Variants in SLC22A23 observed in about 807,000 individuals in gnomAD.
The protein encoded by SLC22A23 is ion transporter protein.
Under a neutral mutation model 61.0 loss-of-function variants are expected in SLC22A23, and 26 were observed. The ratio of observed to expected loss-of-function variants is 0.43; its 90% CI spans 0.31 to 0.59. The LOEUF (loss-of-function observed/expected upper bound fraction) is 0.59, where lower values mean the gene tolerates loss of function less well. Ranked by LOEUF, SLC22A23 falls within the 20% of genes least tolerant of loss-of-function variation. The probability of loss-of-function intolerance (pLI) is 0.11; values close to 1 mark genes in which losing one functional copy is unlikely to be tolerated. For missense variants in SLC22A23, 796 were observed against 934.7 expected, an observed-to-expected ratio of 0.85 and a Z score of 1.94; for synonymous variants, 430 against 413.9, an observed-to-expected ratio of 1.04 and a Z score of -0.47.
intron 8 of SLC22A23, 61 bp downstream of exon 8, chr6:3,285,017 GA>G: frequency 1.3e-6 from 2 of 1,595,710 alleles, no homozygotes; most frequent in Non-Finnish European, 1.7e-6. Context: ...GAGTCTTCGA[GA>G]AAACACCCAT....
intron 3 of SLC22A23, among the ~76,000 whole-genome samples, chr6:3,368,305 C>T (rs572795826): frequency 3.4e-4 from 52 of 152,308 alleles, no homozygotes; most frequent in African/African-American, 1.1e-3. Context: ...CATGCTCAAC[C>T]CGAGCTGCTC....
chr6:3,401,464 G>A (rs879310116), intron 3 of SLC22A23, among the ~76,000 whole-genome samples: 1 of 152,162 alleles, frequency 6.6e-6, no homozygotes, highest in Non-Finnish European at 1.5e-5. Context: ...CTTGGCATAG[G>A]ACAAGACAGT....
In SLC22A23 at chr6:3,283,994, A is replaced by G. The variant is rs779612453; in HGVS notation, c.1580-19T>C. On this transcript the variant is annotated intron_variant, in intron 8 of 9. Coordinates refer to ENST00000406686, the MANE Select transcript of SLC22A23 (RefSeq NM_015482.2). ...CTCATCCCTGGGGGAAGGTCAGAAG[A>G]AGGTGGTGAGGGAAGAGAGGAAGCC... is the stretch of plus-strand genomic sequence containing the variant. The G allele has an allele frequency of 1.9e-6, 3 of 1,593,294 alleles. No homozygotes were observed. Among genetic ancestry groups the G allele is most frequent in the Non-Finnish European group, 2.6e-6 (3 of 1,165,148 alleles).
rs1285765445 is a variant in SLC22A23 at position 3,323,677 on chromosome 6, C to G, written c.1082+157G>C. ...AGTTTTCCAAGACAGAAAGTTTAAA[C>G]AATAAAATTTTTTAAAAAGAGAGGA... On this transcript the variant is annotated intron_variant, in intron 4 of 9. Transcript: ENST00000406686. 3 of 848,812 alleles carry G rather than the reference C, an allele frequency of 3.5e-6. No homozygotes were observed. In the Admixed American group the frequency reaches 8.9e-5, roughly 25 times the overall value. The allele number at this position is 848,812 out of a possible 1,614,324, so 52.6% of individuals were successfully genotyped here.
At chr6:3,449,022 G>A (rs1772048565) in intron 1 of SLC22A23, among the ~76,000 whole-genome samples, 1 of 152,222 alleles carries the variant, frequency 6.6e-6, no homozygotes, top group African/African-American at 2.4e-5. Flanking sequence ...CTGCTTAACA[G>A]CTGGCTAGCC....
chr6:3,405,985 G>A (rs570908030), intron 3 of SLC22A23, among the ~76,000 whole-genome samples: 1 of 151,740 alleles, frequency 6.6e-6, no homozygotes, highest in African/African-American at 2.4e-5. Flanking sequence ...GTTGAAGGAG[G>A]GTTATTACAA....
rs544246603 is a variant in SLC22A23 at position 3,322,323 on chromosome 6, C to T, written c.1082+1511G>A. Reference sequence around the variant, plus strand: ...TGAACTCCGAAACAGCTAAGCCCAGCGAAGGCTGCCACAAGGGAGGGGGCA... The same window carrying T: ...TGAACTCCGAAACAGCTAAGCCCAGTGAAGGCTGCCACAAGGGAGGGGGCA... On this transcript the variant is annotated intron_variant, in intron 4 of 9. Transcript: ENST00000406686. This position sits in a 1 kb window ranked among gnomAD's most constrained non-coding sequence, Gnocchi z 4.1. Among the ~76,000 whole-genome samples the T allele has an allele frequency of 1.3e-5, 2 of 152,288 alleles. No homozygotes were observed. The highest frequency in any genetic ancestry group is 1.9e-4 in the East Asian group (1 of 5,186).
intron 6 of SLC22A23, 26 bp from the exon 7 acceptor site, chr6:3,287,117 G>A (rs1244259757): frequency 9.3e-6 from 15 of 1,606,176 alleles, no homozygotes; most frequent in Non-Finnish European, 1.2e-5. Flanking sequence ...GAGCGGCAGT[G>A]GGTGGGCTGC....
At chr6:3,336,227 G>A (rs1036089939) in intron 3 of SLC22A23, among the ~76,000 whole-genome samples, 2 of 152,196 alleles carry the variant, frequency 1.3e-5, no homozygotes, top group Non-Finnish European at 2.9e-5. Context: ...GGGAGGCTGC[G>A]AGTCAGAATG....
At chr6:3,319,379 C>T (rs572308695) in intron 4 of SLC22A23, among the ~76,000 whole-genome samples, 11 of 152,324 alleles carry the variant, frequency 7.2e-5, no homozygotes, top group Admixed American at 1.3e-4. Flanking sequence ...AACATTTAGG[C>T]CTCAGCACAA....
chr6:3,303,100 A>T (rs760969166), intron 4 of SLC22A23: 16 of 152,212 alleles, frequency 1.1e-4, no homozygotes, highest in South Asian at 2.1e-4. Flanking sequence ...AACATATATT[A>T]AAAAAAGCTC....
At chr6:3,277,307 C>T (rs987023461) in intron 9 of SLC22A23, among the ~76,000 whole-genome samples, 8 of 152,062 alleles carry the variant, frequency 5.3e-5, no homozygotes, top group Admixed American at 1.3e-4. Flanking sequence ...GCCTTCCTCT[C>T]GGTGAGGCAC....
chr6:3,363,349 C>G (rs1345470661), intron 3 of SLC22A23, among the ~76,000 whole-genome samples: 1 of 152,218 alleles, frequency 6.6e-6, no homozygotes, highest in African/African-American at 2.4e-5. Context: ...AGGGCTCTGT[C>G]CCAGGGGCCA....
At chr6:3,335,171 G>C (rs910223469) in intron 3 of SLC22A23, among the ~76,000 whole-genome samples, 1 of 152,128 alleles carries the variant, frequency 6.6e-6, no homozygotes, top group Admixed American at 6.6e-5. Flanking sequence ...AACTGGAAAG[G>C]GGTTTTCAAG....
intron 4 of SLC22A23, among the ~76,000 whole-genome samples, chr6:3,299,877 C>T (rs1269496446): frequency 6.6e-6 from 1 of 152,106 alleles, no homozygotes; most frequent in Non-Finnish European, 1.5e-5. Context: ...TTCTTGTAGC[C>T]CTCAGTGTTC....
At chr6:3,370,206 G>A (rs1027825136) in intron 3 of SLC22A23, among the ~76,000 whole-genome samples, 7 of 152,088 alleles carry the variant, frequency 4.6e-5, no homozygotes, top group Non-Finnish European at 7.4e-5. Context: ...TTAGCCATAC[G>A]TAGGAAGGCA....
intron 3 of SLC22A23, among the ~76,000 whole-genome samples, chr6:3,338,239 C>T (rs1378870138): frequency 6.6e-6 from 1 of 152,214 alleles, no homozygotes; most frequent in Non-Finnish European, 1.5e-5. Flanking sequence ...TTTCCTTGGG[C>T]TTTCATTTCT....
In SLC22A23 at chr6:3,322,659, C is replaced by T. The variant is rs570630571; in HGVS notation, c.1082+1175G>A. On this transcript the variant is annotated intron_variant, in intron 4 of 9. Transcript: ENST00000406686. The surrounding 1 kb of genome is among the most constrained non-coding windows in gnomAD (Gnocchi z 4.1). ...CATAACACAGTGAGCAAGAACCAGGCTCTCGGGGAAACCGCACCTGCACCC... is the reference window on the plus strand; with the variant it reads ...CATAACACAGTGAGCAAGAACCAGGTTCTCGGGGAAACCGCACCTGCACCC... Among the ~76,000 whole-genome samples the T allele has an allele frequency of 1.3e-5, 2 of 152,284 alleles. No homozygotes were observed. Among genetic ancestry groups the T allele is most frequent in the South Asian group, 4.1e-4 (2 of 4,830 alleles).
chr6:3,288,163 G>A (rs908502135), intron 6 of SLC22A23, among the ~76,000 whole-genome samples: 2 of 152,182 alleles, frequency 1.3e-5, no homozygotes, highest in Admixed American at 6.5e-5. Context: ...GGGTGCCTCA[G>A]GGCTCTCAGG....
Sources: allele counts gnomAD v4.1 joint callset (sites outside exome capture counted in the v4.1 genomes callset), GRCh38; gene constraint gnomAD v4.1.1; non-coding constraint Gnocchi (gnomAD v3.1); transcripts MANE v1.5; gene names NCBI Gene and HGNC (gene_info 2026-07-23, HGNC 2026-07-21).